Variants in CLEC6A observed in about 807,000 individuals in gnomAD.
CLEC6A encodes the protein C-type lectin domain family 6 member A.
CLEC6A carries 22 observed loss-of-function variants against 25.7 expected under a neutral mutation model. That is an observed-to-expected ratio of 0.85 (90% CI 0.61 to 1.22). CLEC6A has a LOEUF of 1.22. Among genes scored for constraint, CLEC6A ranks in the 50% most tolerant of loss-of-function variants. The probability of loss-of-function intolerance (pLI) is 0.00; values close to 1 mark genes in which losing one functional copy is unlikely to be tolerated. For missense variants in CLEC6A, 240 were observed against 236.8 expected (o/e 1.01, Z -0.09); for synonymous variants, 92 against 76.7 (o/e 1.20, Z -1.04).
In CLEC6A at chr12:8,460,607, C is replaced by T. The variant is rs1939739860; in HGVS notation, c.223+909C>T. The T allele has an allele frequency of 7.2e-6, 9 of 1,244,698 alleles. No individual in the cohort carries two copies. The South Asian group carries it at 9.6e-5, about 13-fold the overall frequency. 77.1% of individuals were successfully genotyped at this position (1,244,698 alleles called of 1,614,324 possible). On this transcript the variant is annotated intron_variant, in intron 3 of 5. Coordinates refer to ENST00000382073, the MANE Select transcript of CLEC6A (RefSeq NM_001007033.2). ...CCTTTCTGTCTGGCGGAAGCCATCA[C>T]ATAAGTCAAGATGGGTGCATACAAG...
At chr12:8,476,571 C>T (rs1939976618) in intron 5 of CLEC6A, among the ~76,000 whole-genome samples, 1 of 152,022 alleles carries the variant, frequency 6.6e-6, no homozygotes, top group South Asian at 2.1e-4. Context: ...TTAAACTGAT[C>T]TCTAATTAAT....
At chr12:8,458,062 T>C in intron 2 of CLEC6A, 75 bp downstream of exon 2, 1 of 1,056,202 alleles carries the variant, frequency 9.5e-7, no homozygotes, top group Non-Finnish European at 1.5e-6. Context: ...CTAGGATATA[T>C]TCTCCTTTGC....
intron 4 of CLEC6A, among the ~76,000 whole-genome samples, chr12:8,471,258 A>C (rs1234316943): frequency 6.6e-6 from 1 of 152,074 alleles, no homozygotes; most frequent in Non-Finnish European, 1.5e-5. Flanking sequence ...TTTTCATAGT[A>C]TCTTTTTCTA....
At chr12:8,470,936 A>G (rs140989747) in intron 4 of CLEC6A, among the ~76,000 whole-genome samples, 19 of 152,240 alleles carry the variant, frequency 1.2e-4, no homozygotes, top group African/African-American at 4.1e-4. Context: ...TGGGATTTAT[A>G]TATATGACTT....
chr12:8,457,494 C>T (rs899906084), intron 1 of CLEC6A, among the ~76,000 whole-genome samples: 1 of 152,156 alleles, frequency 6.6e-6, no homozygotes, highest in African/African-American at 2.4e-5. Context: ...ACTTAGGTTG[C>T]TTTCATATCT....
intron 5 of CLEC6A, among the ~76,000 whole-genome samples, chr12:8,477,085 A>T (rs976375313): frequency 1.6e-4 from 25 of 152,144 alleles, no homozygotes; most frequent in African/African-American, 6.0e-4. Context: ...ATTGCAGCGG[A>T]AAGATCTAGG....
At chr12:8,466,367 T>C (rs1939830011) in intron 4 of CLEC6A, among the ~76,000 whole-genome samples, 1 of 152,342 alleles carries the variant, frequency 6.6e-6, no homozygotes, top group South Asian at 2.1e-4. Context: ...AATAATCTTT[T>C]AGAGTTTTTG....
intron 3 of CLEC6A, 22 bp from the exon 4 acceptor site, chr12:8,465,462 T>C (rs1939817298): frequency 6.2e-7 from 1 of 1,613,426 alleles, no homozygotes; most frequent in East Asian, 2.2e-5. Flanking sequence ...TCACTCTTTT[T>C]TTTCATGTAA....
rs1939669829 is a variant in CLEC6A at position 8,455,980 on chromosome 12, G to T, written c.-132G>T. 1.5e-6 allele frequency: 1 copy of T among 672,750 alleles called. No individual in the cohort carries two copies. The highest frequency in any genetic ancestry group is 2.6e-6 in the Non-Finnish European group (1 of 390,234). 41.7% of individuals were successfully genotyped at this position (672,750 alleles called of 1,614,324 possible). ...TACACTTAATGTTGGAAGTCTCTTA[G>T]TCCTATAAGAGTGTGTAGCAGTTTG... On this transcript the variant is annotated 5_prime_UTR_variant, in exon 1 of 6. An upstream open reading frame in the 5' UTR loses its in-frame stop. Transcript: ENST00000382073.
intron 1 of CLEC6A, 106 bp downstream of exon 1, chr12:8,456,248 C>A: frequency 9.3e-7 from 1 of 1,070,174 alleles, no homozygotes; most frequent in Non-Finnish European, 1.4e-6. Flanking sequence ...AGTGATTGGA[C>A]CAATATAGTA....
chr12:8,460,308 G>A (rs1406564601), intron 3 of CLEC6A, among the ~76,000 whole-genome samples: 1 of 152,196 alleles, frequency 6.6e-6, no homozygotes, highest in African/African-American at 2.4e-5. Flanking sequence ...CAATCATGGT[G>A]GAAGGTGAAA....
chr12:8,460,701 G>C, intron 3 of CLEC6A: 1 of 1,489,986 alleles, frequency 6.7e-7, no homozygotes, highest in Non-Finnish European at 9.3e-7. Flanking sequence ...TCCGCTGCTG[G>C]CAGTACCGCC....
At chr12:8,467,818 T>C (rs1218475890) in intron 4 of CLEC6A, among the ~76,000 whole-genome samples, 1 of 152,230 alleles carries the variant, frequency 6.6e-6, no homozygotes, top group African/African-American at 2.4e-5. Context: ...TGTATTTCCA[T>C]TGATTTGTGT....
intron 4 of CLEC6A, among the ~76,000 whole-genome samples, chr12:8,474,259 G>T (rs1044308592): frequency 1.3e-5 from 2 of 152,098 alleles, no homozygotes; most frequent in African/African-American, 4.8e-5. Flanking sequence ...ATGGTGAAAG[G>T]TAGGGGTTCA....
At chr12:8,460,565 A>G in intron 3 of CLEC6A, 2 of 894,250 alleles carry the variant, frequency 2.2e-6, no homozygotes, top group African/African-American at 1.6e-5. Flanking sequence ...AGTCAGCTTC[A>G]TGGAAAAGGG....
chr12:8,461,320 A>C, intron 3 of CLEC6A: 1 of 522,804 alleles, frequency 1.9e-6, no homozygotes, highest in Non-Finnish European at 3.4e-6. Context: ...AGGGAAAGAG[A>C]AGTAAAGTGC....
chr12:8,463,289 GTTA>G (rs1164718262), intron 3 of CLEC6A, among the ~76,000 whole-genome samples: 1 of 151,258 alleles, frequency 6.6e-6, no homozygotes, highest in Non-Finnish European at 1.5e-5. Context: ...ACATCACAAA[GTTA>G]TTATAGATTT....
intron 4 of CLEC6A, among the ~76,000 whole-genome samples, chr12:8,471,531 T>A (rs1405579465): frequency 6.6e-6 from 1 of 152,122 alleles, no homozygotes; most frequent in Non-Finnish European, 1.5e-5. Context: ...TTTCTAGAAT[T>A]CTATGAATTT....
chr12:8,472,485 G>C (rs554188720), intron 4 of CLEC6A, among the ~76,000 whole-genome samples: 59 of 152,282 alleles, frequency 3.9e-4, no homozygotes, highest in Non-Finnish European at 8.1e-4. Flanking sequence ...GATGCTTAGA[G>C]ATGGGAGTTT....
Sources: allele counts gnomAD v4.1 joint callset (sites outside exome capture counted in the v4.1 genomes callset), GRCh38; gene constraint gnomAD v4.1.1; transcripts MANE v1.5; gene names NCBI Gene and HGNC (gene_info 2026-07-23, HGNC 2026-07-21).